NPAS3: variants seen among roughly 807,000 people sequenced by gnomAD.
NPAS3 encodes the protein neuronal PAS domain-containing protein 3.
NPAS3 carries 14 observed loss-of-function variants against 73.1 expected under a neutral mutation model. The observed-to-expected ratio is 0.19, with a 90% confidence interval of 0.13 to 0.30. The LOEUF is 0.30. NPAS3 is among the 10% of genes least tolerant of loss of function. NPAS3 has a pLI of 1.00. For missense variants in NPAS3, 1,096 were observed against 1,250.0 expected (o/e 0.88, Z 1.86); for synonymous variants, 620 against 541.5 (o/e 1.14, Z -2.01).
intron 6 of NPAS3, among the ~76,000 whole-genome samples, chr14:33,688,634 A>G (rs1004276740): frequency 6.6e-6 from 1 of 152,194 alleles, no homozygotes; most frequent in African/African-American, 2.4e-5. Context: ...AAGCTTTCCC[A>G]AAAGTGAGCT....
chr14:33,336,845 A>G (rs184165639), intron 3 of NPAS3, among the ~76,000 whole-genome samples: 3 of 145,608 alleles, frequency 2.1e-5, no homozygotes, highest in South Asian at 2.2e-4. Flanking sequence ...ACTGTGGACC[A>G]TCTTTTCAGG....
At chr14:33,549,643 A>G (rs2055015621) in intron 4 of NPAS3, among the ~76,000 whole-genome samples, 1 of 152,204 alleles carries the variant, frequency 6.6e-6, no homozygotes, top group African/African-American at 2.4e-5. Context: ...AGGCACAGAG[A>G]TGGTCAGCAC....
chr14:33,363,934 G>GTGTGTGTGTGTGTA (rs2045720247), intron 3 of NPAS3, among the ~76,000 whole-genome samples: 1 of 151,668 alleles, frequency 6.6e-6, no homozygotes, highest in South Asian at 2.1e-4. Flanking sequence ...GTGTGTGTGT[G>GTGTGTGTGTGTGTA]TGTGTGTGTG....
chr14:33,503,685 C>A (rs1034826444), intron 4 of NPAS3, among the ~76,000 whole-genome samples: 1 of 151,868 alleles, frequency 6.6e-6, no homozygotes, highest in Non-Finnish European at 1.5e-5. Context: ...TTCTAGAGAG[C>A]TTGATGAGAA....
At chr14:33,781,401 AG>A (rs2062974922) in intron 9 of NPAS3, among the ~76,000 whole-genome samples, 1 of 152,358 alleles carries the variant, frequency 6.6e-6, no homozygotes, top group Middle Eastern at 3.4e-3. Flanking sequence ...CTCAAACCAA[AG>A]CCAGCCCAGT....
At chr14:33,241,623 C>G (rs183298178) in intron 3 of NPAS3, among the ~76,000 whole-genome samples, 3 of 152,090 alleles carry the variant, frequency 2.0e-5, no homozygotes, top group Admixed American at 1.3e-4. Flanking sequence ...TTAGTCTAGT[C>G]TCCCTCTGTA....
At chr14:33,225,420 G>C (rs566368858) in intron 3 of NPAS3, among the ~76,000 whole-genome samples, 3 of 152,162 alleles carry the variant, frequency 2.0e-5, no homozygotes, top group African/African-American at 7.2e-5. Flanking sequence ...AGGTTAGAAA[G>C]CCAAGACAAA....
intron 2 of NPAS3, among the ~76,000 whole-genome samples, chr14:33,159,827 A>G (rs896230773): frequency 2.6e-5 from 4 of 152,206 alleles, no homozygotes; most frequent in African/African-American, 9.7e-5. Context: ...TGCTGGGATT[A>G]TAGGCGTGAG....
intron 4 of NPAS3, among the ~76,000 whole-genome samples, chr14:33,516,985 G>C (rs796408171): frequency 2.6e-5 from 4 of 152,012 alleles, no homozygotes; most frequent in African/African-American, 9.7e-5. Context: ...ATTAGTTTAC[G>C]ATCTACTGAG....
At chr14:33,546,927 A>G (rs1240026405) in intron 4 of NPAS3, among the ~76,000 whole-genome samples, 2 of 152,296 alleles carry the variant, frequency 1.3e-5, no homozygotes, top group Non-Finnish European at 1.5e-5. Flanking sequence ...GCTGTTTAGG[A>G]AAAGGCAAAA....
chr14:33,704,514 A>G (rs2060606491), intron 6 of NPAS3, among the ~76,000 whole-genome samples: 1 of 152,232 alleles, frequency 6.6e-6, no homozygotes, highest in Non-Finnish European at 1.5e-5. Context: ...TAGTTCATGC[A>G]TAAAGCATGA....
intron 5 of NPAS3, among the ~76,000 whole-genome samples, chr14:33,640,090 G>A (rs1029242729): frequency 2.1e-4 from 32 of 151,994 alleles, no homozygotes; most frequent in South Asian, 6.3e-4. Flanking sequence ...GGTGGTGTAC[G>A]TCCGTAATCC....
chr14:33,136,552 T>C (rs1322035801), intron 2 of NPAS3, among the ~76,000 whole-genome samples: 1 of 152,194 alleles, frequency 6.6e-6, no homozygotes, highest in Non-Finnish European at 1.5e-5. Context: ...ATCACCATTT[T>C]ACAACTGAAG....
At chr14:33,513,792 A>G (rs893214490) in intron 4 of NPAS3, among the ~76,000 whole-genome samples, 2 of 152,042 alleles carry the variant, frequency 1.3e-5, no homozygotes, top group African/African-American at 2.4e-5. Context: ...TGACAAAGAA[A>G]AAGCTCACGC....
chr14:33,379,982 G>A (rs1428275671), intron 4 of NPAS3, among the ~76,000 whole-genome samples: 1 of 103,238 alleles, frequency 9.7e-6, no homozygotes, highest in African/African-American at 3.1e-5. Flanking sequence ...TCCCTCGTGT[G>A]TGTGTGTGTG....
chr14:33,650,187 G>C (rs1024710660), intron 5 of NPAS3, among the ~76,000 whole-genome samples: 1 of 152,172 alleles, frequency 6.6e-6, no homozygotes, highest in Non-Finnish European at 1.5e-5. Flanking sequence ...AAAATCTTGC[G>C]CATTGTAACA....
intron 4 of NPAS3, among the ~76,000 whole-genome samples, chr14:33,484,938 A>C (rs914859899): frequency 1.3e-5 from 2 of 152,116 alleles, no homozygotes; most frequent in Non-Finnish European, 2.9e-5. Context: ...CAGAGGGAGG[A>C]AACCCAGCTC....
At chr14:32,976,984 T>C (rs2037703395) in intron 1 of NPAS3, among the ~76,000 whole-genome samples, 1 of 152,040 alleles carries the variant, frequency 6.6e-6, no homozygotes, top group Non-Finnish European at 1.5e-5. Context: ...CTTTAAAACT[T>C]GATTTAATAA....
At chr14:33,051,151 G>C (rs980821089) in intron 1 of NPAS3, among the ~76,000 whole-genome samples, 7 of 151,494 alleles carry the variant, frequency 4.6e-5, no homozygotes, top group Non-Finnish European at 1.0e-4. Flanking sequence ...GCGGGCGCCT[G>C]TAGTCCCAGC....
Sources: allele counts gnomAD v4.1 joint callset (sites outside exome capture counted in the v4.1 genomes callset), GRCh38; gene constraint gnomAD v4.1.1; transcripts MANE v1.5; gene names NCBI Gene and HGNC (gene_info 2026-07-23, HGNC 2026-07-21).